Variants in PPFIA1 observed in about 807,000 individuals in gnomAD.
PPFIA1 encodes the protein liprin-alpha-1.
In PPFIA1, 25 loss-of-function variants were observed where a neutral mutation model predicts 149.9. The observed-to-expected ratio is 0.17, with a 90% confidence interval of 0.12 to 0.23. The LOEUF is 0.23. PPFIA1 is among the 10% of genes least tolerant of loss of function. PPFIA1 has a pLI of 1.00. For synonymous variants in PPFIA1, 549 were observed against 552.8 expected (o/e 0.99, Z 0.10); for missense variants, 1,362 against 1,506.5 (o/e 0.90, Z 1.59).
intron 2 of PPFIA1, among the ~76,000 whole-genome samples, chr11:70,279,974 T>G (rs537109747): frequency 1.3e-5 from 2 of 150,416 alleles, no homozygotes; most frequent in Non-Finnish European, 3.0e-5. Context: ...AGTGGTGCAG[T>G]CTCAGCTCAC....
intron 25 of PPFIA1, 87 bp downstream of exon 25, chr11:70,376,687 A>G: frequency 8.7e-7 from 1 of 1,151,328 alleles, no homozygotes; most frequent in Non-Finnish European, 1.3e-6. Context: ...TATTATTATT[A>G]TACTTGGGAC....
Position 70,369,447 on chromosome 11 carries a change from G to T in PPFIA1, c.2866-2768G>T, listed in dbSNP as rs970927168. On this transcript the variant is annotated intron_variant, in intron 21 of 27. Transcript: ENST00000253925. ...TGATCTATAGTTTTGTTACATCTTTGGTTTTGCTCTCAGGATGATGCTGGC... is the reference window on the plus strand; with the variant it reads ...TGATCTATAGTTTTGTTACATCTTTTGTTTTGCTCTCAGGATGATGCTGGC... Among the ~76,000 whole-genome samples the T allele has an allele frequency of 2.2e-4, 34 of 152,082 alleles. 1 individual carries two copies. Among genetic ancestry groups the T allele is most frequent in the Admixed American group, 6.5e-5 (1 of 15,268 alleles).
intron 2 of PPFIA1, among the ~76,000 whole-genome samples, chr11:70,273,811 A>C (rs1395721882): frequency 6.6e-6 from 1 of 152,204 alleles, no homozygotes; most frequent in Non-Finnish European, 1.5e-5. Context: ...TAGCCAATTT[A>C]TGTTTTACCA....
At chr11:70,303,260 C>G (rs2052611414) in intron 2 of PPFIA1, among the ~76,000 whole-genome samples, 1 of 152,170 alleles carries the variant, frequency 6.6e-6, no homozygotes, top group African/African-American at 2.4e-5. Context: ...CTTGGTCTAG[C>G]AGAATATACC....
intron 2 of PPFIA1, among the ~76,000 whole-genome samples, chr11:70,301,605 C>G (rs2052488544): frequency 1.3e-5 from 2 of 152,096 alleles, no homozygotes; most frequent in African/African-American, 4.8e-5. Flanking sequence ...CTTTTGAGTA[C>G]CTAGCATATA....
intron 2 of PPFIA1, among the ~76,000 whole-genome samples, chr11:70,315,732 A>T (rs1217729683): frequency 1.5e-5 from 2 of 136,364 alleles, no homozygotes; most frequent in South Asian, 2.2e-4. Context: ...AGATAAAAAT[A>T]CCATCATAAC....
In PPFIA1 at chr11:70,325,533, T is replaced by C. The variant is rs746947701; in HGVS notation, c.565T>C (p.Cys189Arg). ...RERLRVALERCSLLEEELGAT... is the reference protein window; with the variant it reads ...RERLRVALERRSLLEEELGAT... ...GCGATTACGAGTAGCACTTGAAAGA[T>C]GTAGTTTGTTAGAAGAGGAATTAGG... Residue 189 changes from cysteine to arginine, a missense_variant, in exon 5 of 28, where the codon TGT becomes CGT. Around this residue, in one of 7 missense-constraint regions of PPFIA1, gnomAD observed 79 missense variants for 146.2 expected, o/e 0.54. Coordinates refer to ENST00000253925, the MANE Select transcript of PPFIA1 (RefSeq NM_003626.5). The C allele has an allele frequency of 6.3e-7, 1 of 1,596,196 alleles. No homozygotes were observed. The highest frequency in any genetic ancestry group is 8.6e-7 in the Non-Finnish European group (1 of 1,163,896).
rs897105117 is a variant in PPFIA1, at chr11:70,356,070, C to G, written c.2489-91C>G. On this transcript the variant is annotated intron_variant, in intron 18 of 27. Coordinates refer to ENST00000253925, the MANE Select transcript of PPFIA1 (RefSeq NM_003626.5). The stretch of plus-strand genomic sequence containing the variant: ...CTTAGCCTTAAGAAATGATTTAAAT[C>G]TGAACCTGCAAATATTCATCTGCCT... 3.2e-5 allele frequency: 37 copies of G among 1,138,606 alleles called. No individual in the cohort carries two copies. In the South Asian group the frequency reaches 4.4e-4, roughly 14 times the overall value. The allele number at this position is 1,138,606 out of a possible 1,614,324, so 70.5% of individuals were successfully genotyped here. A position where few individuals can be genotyped will look rare whatever the true frequency, so the allele number is the denominator to read the frequency against.
intron 19 of PPFIA1, among the ~76,000 whole-genome samples, chr11:70,358,964 G>A (rs190201181): frequency 1.3e-5 from 2 of 152,302 alleles, no homozygotes. Flanking sequence ...CCCTTTTCAT[G>A]TTCTCCTTTT....
At chr11:70,346,972 A>G (rs1014900575) in intron 15 of PPFIA1, among the ~76,000 whole-genome samples, 8 of 152,226 alleles carry the variant, frequency 5.3e-5, no homozygotes, top group Non-Finnish European at 1.0e-4. Context: ...TGAATTCCAA[A>G]TTAATGTAGC....
intron 9 of PPFIA1, chr11:70,332,983 C>T (rs1305032488): frequency 2.2e-6 from 1 of 451,830 alleles, no homozygotes; most frequent in Non-Finnish European, 4.5e-6. Flanking sequence ...GATTTCTTTT[C>T]TCCCCTGTTA....
rs369705544 is a variant in PPFIA1, at chr11:70,337,063, A to G, written c.1429-302A>G. On this transcript the variant is annotated intron_variant, in intron 11 of 27. Coordinates refer to ENST00000253925, the MANE Select transcript of PPFIA1 (RefSeq NM_003626.5). ...ATTCAGGTTTCCCAAGTGACCAAGAAATTGTAAAGCCTAAAAGTTAGTATA... is the reference window on the plus strand; with the variant it reads ...ATTCAGGTTTCCCAAGTGACCAAGAGATTGTAAAGCCTAAAAGTTAGTATA... Among the ~76,000 whole-genome samples the G allele has an allele frequency of 6.8e-4, 104 of 152,346 alleles. 2 individuals are homozygous for G. The highest frequency in any genetic ancestry group is 6.0e-3 in the South Asian group (29 of 4,826).
chr11:70,285,050 A>G (rs1331127227), intron 2 of PPFIA1, among the ~76,000 whole-genome samples: 1 of 152,110 alleles, frequency 6.6e-6, no homozygotes, highest in Non-Finnish European at 1.5e-5. Context: ...ACTGTTGCCC[A>G]AGCTGTAGTG....
intron 2 of PPFIA1, chr11:70,320,254 G>A (rs1433270203): frequency 6.6e-6 from 1 of 152,228 alleles, no homozygotes; most frequent in African/African-American, 2.4e-5. Flanking sequence ...CCAAGCAAGA[G>A]AAATACCCTT....
chr11:70,339,358 C>T, intron 14 of PPFIA1, 52 bp downstream of exon 14: 3 of 1,569,990 alleles, frequency 1.9e-6, no homozygotes, highest in Non-Finnish European at 2.6e-6. Flanking sequence ...ACCTACTTAT[C>T]CCGTGGCTTT....
chr11:70,297,419 AAAG>A (rs1028199826), intron 2 of PPFIA1, among the ~76,000 whole-genome samples: 3 of 152,160 alleles, frequency 2.0e-5, no homozygotes, highest in African/African-American at 7.2e-5. Flanking sequence ...AATGAAAAAA[AAAG>A]AAAAAATGAA....
intron 16 of PPFIA1, among the ~76,000 whole-genome samples, chr11:70,352,444 G>A (rs1284634872): frequency 1.3e-5 from 2 of 152,136 alleles, no homozygotes; most frequent in Admixed American, 1.3e-4. Context: ...GAAGGAAGTA[G>A]CATGTTGATT....
chr11:70,288,257 A>G (rs1176843220), intron 2 of PPFIA1, among the ~76,000 whole-genome samples: 2 of 151,754 alleles, frequency 1.3e-5, no homozygotes, highest in African/African-American at 4.8e-5. Context: ...TTTTTAGTAG[A>G]GATGGGGTTT....
intron 10 of PPFIA1, chr11:70,334,440 A>G (rs1350174287): frequency 6.6e-6 from 1 of 152,190 alleles, no homozygotes; most frequent in Non-Finnish European, 1.5e-5. Context: ...GAGAGGGTGC[A>G]TTTTAGGCAG....
Sources: allele counts gnomAD v4.1 joint callset (sites outside exome capture counted in the v4.1 genomes callset), GRCh38; gene constraint gnomAD v4.1.1; regional missense constraint gnomAD v4.1.1; transcripts MANE v1.5; gene names NCBI Gene and HGNC (gene_info 2026-07-23, HGNC 2026-07-21).